TSTD2: variants seen among roughly 807,000 people sequenced by gnomAD.
The protein encoded by TSTD2 is thiosulfate sulfurtransferase like domain containing 2.
TSTD2 carries 37 observed loss-of-function variants against 47.9 expected under a neutral mutation model. The observed-to-expected ratio is 0.77, with a 90% CI of 0.59 to 1.02. The LOEUF (loss-of-function observed/expected upper bound fraction) is 1.02, where lower values mean the gene tolerates loss of function less well. Ranked by LOEUF, TSTD2 falls within the 50% of genes least tolerant of loss-of-function variation. The pLI is 0.00. For missense variants in TSTD2, 586 were observed against 616.0 expected, an observed-to-expected ratio of 0.95 and a Z score of 0.52; for synonymous variants, 201 against 215.9, an observed-to-expected ratio of 0.93 and a Z score of 0.61.
intron 9 of TSTD2, chr9:97,604,452 A>G (rs897103581): frequency 5.5e-6 from 2 of 365,230 alleles, no homozygotes; most frequent in African/African-American, 2.1e-5. Context: ...TGGCAGGTAG[A>G]CAGGCAGGCA....
At chr9:97,603,017 C>T in intron 9 of TSTD2, 1 of 402,696 alleles carries the variant, frequency 2.5e-6, no homozygotes, top group Non-Finnish European at 4.6e-6. Context: ...TTCTTTTTCC[C>T]ATCTAGAGAA....
At position 97,602,600 on chromosome 9, in the gene TSTD2, T is replaced by C; in HGVS notation, c.1420A>G (p.Ser474Gly). Residue 474 changes from serine (S) to glycine (G), a missense_variant, in exon 10 of 10, where the codon AGC (serine) becomes GGC (glycine). Physicochemically the swap from Ser to Gly is moderately conservative, Grantham distance 56. Transcript: ENST00000341170. ...GTGCACTCGCATTCCTCTTTAAAGC[T>C]GTCTTGCATAGGGCCTGAAACTTTC... ...SRKVSGPMQD[S>G]FKEECECTAR... 6.2e-7 allele frequency: 1 copy of C among 1,614,232 alleles called. No individual in the cohort carries two copies. Among genetic ancestry groups the C allele is most frequent in the Non-Finnish European group, 8.5e-7 (1 of 1,180,038 alleles).
chr9:97,627,392 T>C lies in TSTD2; in HGVS notation c.165+6A>G. On this transcript the variant is annotated splice_donor_region_variant and intron_variant, in intron 2 of 9. Coordinates refer to ENST00000341170, the MANE Select transcript of TSTD2 (RefSeq NM_139246.5). The stretch of plus-strand genomic sequence containing the variant: ...CATGATCATGAAACATTCATAAGAA[T>C]TCTACCTTTTTCTTTGCAAACGAGT... The C allele has an allele frequency of 1.3e-6, 2 of 1,590,764 alleles. No individual in the cohort carries two copies. The highest frequency in any genetic ancestry group is 1.7e-6 in the Non-Finnish European group (2 of 1,165,922).
At position 97,606,256 on chromosome 9, in the gene TSTD2, G is replaced by A. The variant is rs369635584; in HGVS notation, c.841C>T (p.His281Tyr). The A allele has an allele frequency of 5.7e-6, 9 of 1,589,188 alleles. No individual in the cohort carries two copies. In the African/African-American group the frequency reaches 1.2e-4, roughly 22 times the overall value. Residue 281 changes from histidine (H) to tyrosine (Y), a missense_variant, in exon 7 of 10, where the codon CAT becomes TAT. His to Tyr is a moderately conservative substitution (Grantham distance 83). Coordinates refer to ENST00000341170, the MANE Select transcript of TSTD2 (RefSeq NM_139246.5). ...KKISYKKPGI[H>Y]LSPGEFHKEV... is the part of the protein sequence containing the mutation. The stretch of plus-strand genomic sequence containing the variant: ...TTATGAAATTCACCTGGGGATAAAT[G>A]GATTCCTAAAACCAAACCAAAAAAA...
chr9:97,617,009 G>A (rs908047147), intron 4 of TSTD2, among the ~76,000 whole-genome samples: 1 of 152,200 alleles, frequency 6.6e-6, no homozygotes. Flanking sequence ...GCTAAGCTCT[G>A]TTCCAGCACT....
chr9:97,617,202 G>A (rs551374040), intron 4 of TSTD2, among the ~76,000 whole-genome samples: 1 of 152,330 alleles, frequency 6.6e-6, no homozygotes, highest in Non-Finnish European at 1.5e-5. Flanking sequence ...CTGAAGTGGG[G>A]TATGCGCCAT....
At position 97,602,361 on chromosome 9, in the gene TSTD2, A is replaced by G. The variant is rs1347644771; in HGVS notation, c.*108T>C. 7.4e-6 allele frequency: 10 copies of G among 1,359,098 alleles called. No individual in the cohort carries two copies. Among genetic ancestry groups the G allele is most frequent in the African/African-American group, 2.9e-5 (2 of 67,958 alleles). 84.2% of individuals were successfully genotyped at this position (1,359,098 alleles called of 1,614,324 possible). ...CGGCTGCCACGGTGGCAGCGGCCAG[A>G]ACTGAAGTTCCCGATTTCTCTGTTT... On this transcript the variant is annotated 3_prime_UTR_variant, in exon 10 of 10. Coordinates refer to ENST00000341170, the MANE Select transcript of TSTD2 (RefSeq NM_139246.5).
Position 97,602,411 on chromosome 9 carries a change from G to A in TSTD2, c.*58C>T, listed in dbSNP as rs777367220. ...TCTGCAGTCTTGCCATGCTTTCTCTGTATAGTCACCCCAAACCTACTTTTA... is the reference window on the plus strand; with the variant it reads ...TCTGCAGTCTTGCCATGCTTTCTCTATATAGTCACCCCAAACCTACTTTTA... On this transcript the variant is annotated 3_prime_UTR_variant, in exon 10 of 10. Transcript: ENST00000341170. The A allele has an allele frequency of 1.7e-4, 258 of 1,511,088 alleles. 1 individual carries two copies. The Middle Eastern group carries it at 1.9e-3, about 11-fold the overall frequency. The allele number at this position is 1,511,088 out of a possible 1,614,324, so 93.6% of individuals were successfully genotyped here.
At position 97,605,517 on chromosome 9, in the gene TSTD2, C is replaced by G; in HGVS notation, c.1079G>C (p.Arg360Pro). The part of the protein sequence containing the change: ...RVLMYCTGGI[R>P]CERGSAYLKA... ...GAGGTAGGCTGAACCCCGCTCACAG[C>G]GGATGCCCCCGGTACAGTACATCAG... The change falls in exon 8 of 10, where the codon CGC becomes CCC. Residue 360 changes from arginine to proline, a missense_variant. Arg to Pro is a moderately radical substitution (Grantham distance 103). Coordinates refer to ENST00000341170, the MANE Select transcript of TSTD2 (RefSeq NM_139246.5). 6.2e-7 allele frequency: 1 copy of G among 1,614,016 alleles called. No homozygotes were observed. The highest frequency in any genetic ancestry group is 1.1e-5 in the South Asian group (1 of 91,076).
chr9:97,613,465 C>T (rs1037038254), intron 4 of TSTD2, among the ~76,000 whole-genome samples: 3 of 152,014 alleles, frequency 2.0e-5, no homozygotes, highest in Admixed American at 2.0e-4. Context: ...CCCATATTCT[C>T]TTTGAAATGC....
In TSTD2 at chr9:97,601,222, T is replaced by C; in HGVS notation, c.*1247A>G. ...AGCTGCATTCTGCATCGCTGAAAAC[T>C]GCAATATAATATTAAATCTGTTGGT... On this transcript the variant is annotated 3_prime_UTR_variant, in exon 10 of 10. Transcript: ENST00000341170. 7.8e-7 allele frequency: 1 copy of C among 1,276,276 alleles called. No homozygotes were observed. The highest frequency in any genetic ancestry group is 1.0e-6 in the Non-Finnish European group (1 of 973,612). 79.1% of individuals were successfully genotyped at this position (1,276,276 alleles called of 1,614,324 possible).
In TSTD2 at chr9:97,600,961, C is replaced by T. The variant is rs1463967397; in HGVS notation, c.*1508G>A. The T allele has an allele frequency of 7.0e-6, 8 of 1,150,124 alleles. No individual in the cohort carries two copies. The highest frequency in any genetic ancestry group is 8.8e-6 in the Non-Finnish European group (8 of 910,064). The allele number at this position is 1,150,124 out of a possible 1,614,324, so 71.2% of individuals were successfully genotyped here. A position where few individuals can be genotyped will look rare whatever the true frequency, so the allele number is the denominator to read the frequency against. On this transcript the variant is annotated 3_prime_UTR_variant, in exon 10 of 10. Transcript: ENST00000341170. ...ATTTTCATTAGTGATTTCAGCAAAT[C>T]TCATGATAAAGGACAAGGTCAAGAA...
At chr9:97,627,249 AC>A in intron 2 of TSTD2, 148 bp downstream of exon 2, 2 of 1,353,048 alleles carry the variant, frequency 1.5e-6, no homozygotes, top group Non-Finnish European at 1.9e-6. Context: ...GCCTATGATT[AC>A]CCTTTGCCTG....
intron 6 of TSTD2, among the ~76,000 whole-genome samples, chr9:97,609,496 T>C (rs1367969000): frequency 6.6e-6 from 1 of 152,196 alleles, no homozygotes; most frequent in Non-Finnish European, 1.5e-5. Context: ...AGAGACATAC[T>C]GATGAATCAC....
Position 97,625,805 on chromosome 9 carries a change from T to C in TSTD2, c.358A>G (p.Ser120Gly). 6.2e-7 allele frequency: 1 copy of C among 1,614,188 alleles called. No individual in the cohort carries two copies. The highest frequency in any genetic ancestry group is 8.5e-7 in the Non-Finnish European group (1 of 1,180,000). Residue 120 changes from serine (S) to glycine (G), a missense_variant, in exon 3 of 10, where the codon AGC (serine) becomes GGC (glycine). Coordinates refer to ENST00000341170, the MANE Select transcript of TSTD2 (RefSeq NM_139246.5). ...GCAGACGAAAGACTCTTTGAGGTGC[T>C]CAATGTCACAGCCAGTTGCTTTAAA... ...SILKQLAVTL[S>G]TSKSLSSADE...
chr9:97,602,277 G>C lies in TSTD2; in HGVS notation c.*192C>G. ...CTGTGCTCTAGCATCATCCAAATCAGAATGTCTCAGGTAAGTGGTAGACAA... is the reference window on the plus strand; with the variant it reads ...CTGTGCTCTAGCATCATCCAAATCACAATGTCTCAGGTAAGTGGTAGACAA... On this transcript the variant is annotated 3_prime_UTR_variant, in exon 10 of 10. Coordinates refer to ENST00000341170, the MANE Select transcript of TSTD2 (RefSeq NM_139246.5). 1.6e-6 allele frequency: 1 copy of C among 642,156 alleles called. No homozygotes were observed. Among genetic ancestry groups the C allele is most frequent in the East Asian group, 2.8e-5 (1 of 35,308 alleles). 39.8% of individuals were successfully genotyped at this position (642,156 alleles called of 1,614,324 possible).
At chr9:97,618,995 T>C (rs534528683) in intron 3 of TSTD2, among the ~76,000 whole-genome samples, 1 of 152,344 alleles carries the variant, frequency 6.6e-6, no homozygotes, top group East Asian at 1.9e-4. Flanking sequence ...TTTCGTTGTT[T>C]TTCTAACTAG....
At chr9:97,606,330 C>T in intron 6 of TSTD2, 69 bp from the exon 7 acceptor site, 1 of 865,952 alleles carries the variant, frequency 1.2e-6, no homozygotes, top group Non-Finnish European at 1.8e-6. Flanking sequence ...ATGACTCACC[C>T]AGCCTGACTT....
At chr9:97,620,148 C>G (rs2805776) in intron 3 of TSTD2, among the ~76,000 whole-genome samples, 135,636 of 152,212 alleles carry the variant, frequency 0.89, 60,719 homozygotes, top group African/African-American at 0.97. Flanking sequence ...GCAGTGGGAG[C>G]TAATTGAATC....
Sources: allele counts gnomAD v4.1 joint callset (sites outside exome capture counted in the v4.1 genomes callset), GRCh38; gene constraint gnomAD v4.1.1; transcripts MANE v1.5; gene names NCBI Gene and HGNC (gene_info 2026-07-23, HGNC 2026-07-21).